Variants in TMEM232 observed in about 807,000 individuals in gnomAD.
The protein encoded by TMEM232 is transmembrane protein 232.
A neutral mutation model predicts 78.8 loss-of-function variants in TMEM232; 80 were observed. The observed-to-expected ratio is 1.01, with a 90% CI of 0.85 to 1.22. The LOEUF (loss-of-function observed/expected upper bound fraction) is 1.22, where lower values mean the gene tolerates loss of function less well. Among genes scored for constraint, TMEM232 ranks in the 50% most tolerant of loss-of-function variants. The pLI is 0.00. For synonymous variants in TMEM232, 297 were observed against 254.3 expected (o/e 1.17, Z -1.60); for missense variants, 881 against 742.2 (o/e 1.19, Z -2.17).
intron 1 of TMEM232, among the ~76,000 whole-genome samples, chr5:110,680,234 A>G (rs912908111): frequency 6.6e-6 from 1 of 151,970 alleles, no homozygotes; most frequent in Non-Finnish European, 1.5e-5. Context: ...CCCCTTCTCT[A>G]CTAAAAATAA....
intron 2 of TMEM232, among the ~76,000 whole-genome samples, chr5:110,662,414 T>C (rs1789927671): frequency 6.6e-6 from 1 of 152,156 alleles, no homozygotes; most frequent in African/African-American, 2.4e-5. Flanking sequence ...AATATGGTTA[T>C]GATAAAGATG....
In TMEM232 at chr5:110,527,011, A is replaced by C. The variant is rs991549396; in HGVS notation, c.1703+1577T>G. 3.3e-5 allele frequency among the ~76,000 whole-genome samples: 5 copies of C among 151,882 alleles called. 1 individual carries two copies. The highest frequency in any genetic ancestry group is 1.2e-4 in the African/African-American group (5 of 41,420). On this transcript the variant is annotated intron_variant, in intron 12 of 13. Transcript: ENST00000455884. ...TAAAATGAAGGGGGAAAAATTAAAA[A>C]CACTAATAATGTATTATATTTGCAT... is the stretch of plus-strand genomic sequence containing the variant.
chr5:110,422,375 C>T (rs1181265011), intron 13 of TMEM232, among the ~76,000 whole-genome samples: 1 of 151,480 alleles, frequency 6.6e-6, no homozygotes, highest in Non-Finnish European at 1.5e-5. Flanking sequence ...AAAAAATTAG[C>T]CGGGCGTGGT....
intron 2 of TMEM232, among the ~76,000 whole-genome samples, chr5:110,662,446 T>C (rs928180079): frequency 6.6e-6 from 1 of 152,194 alleles, no homozygotes; most frequent in African/African-American, 2.4e-5. Flanking sequence ...AATTGATCTA[T>C]AGATTCTTCA....
At chr5:110,558,121 T>G (rs191867346) in intron 11 of TMEM232, among the ~76,000 whole-genome samples, 1 of 152,308 alleles carries the variant, frequency 6.6e-6, no homozygotes, top group East Asian at 1.9e-4. Flanking sequence ...ACCATGCTCA[T>G]GCCTTTGTTC....
intron 11 of TMEM232, among the ~76,000 whole-genome samples, chr5:110,553,090 T>C (rs1267204302): frequency 6.6e-6 from 1 of 152,196 alleles, no homozygotes; most frequent in Non-Finnish European, 1.5e-5. Context: ...GTTCCATTGG[T>C]CTATGTGTCT....
chr5:110,669,683 G>A (rs1791101492), intron 1 of TMEM232, among the ~76,000 whole-genome samples: 2 of 152,066 alleles, frequency 1.3e-5, no homozygotes, highest in South Asian at 4.1e-4. Flanking sequence ...AACCAAAAAA[G>A]ACAATTTGAG....
At chr5:110,529,368 C>T (rs1561635473) in intron 11 of TMEM232, among the ~76,000 whole-genome samples, 1 of 152,108 alleles carries the variant, frequency 6.6e-6, no homozygotes, top group East Asian at 1.9e-4. Context: ...GCCTCAGCCT[C>T]CCAAGTAGCT....
chr5:110,713,920 T>C (rs1796755527), intron 1 of TMEM232, among the ~76,000 whole-genome samples: 1 of 152,138 alleles, frequency 6.6e-6, no homozygotes, highest in Non-Finnish European at 1.5e-5. Flanking sequence ...CAGCCTCTCT[T>C]AGTTGGCTGG....
chr5:110,390,999 G>A (rs1208013935), intron 3 of TMEM232, among the ~76,000 whole-genome samples: 3 of 152,338 alleles, frequency 2.0e-5, no homozygotes, highest in South Asian at 4.1e-4. Context: ...GTTAGAACCA[G>A]TGGGGTTTCT....
intron 2 of TMEM232, among the ~76,000 whole-genome samples, chr5:110,733,437 T>G (rs1798868041): frequency 6.6e-6 from 1 of 152,106 alleles, no homozygotes; most frequent in South Asian, 2.1e-4. Context: ...AGACACGGAA[T>G]CAACCTAAAT....
chr5:110,391,610 G>A (rs1299476313), intron 3 of TMEM232, among the ~76,000 whole-genome samples: 1 of 152,180 alleles, frequency 6.6e-6, no homozygotes, highest in African/African-American at 2.4e-5. Flanking sequence ...AATGAAGTTA[G>A]TTAAAGGATT....
intron 10 of TMEM232, among the ~76,000 whole-genome samples, chr5:110,594,918 T>C (rs1779969967): frequency 6.6e-6 from 1 of 152,196 alleles, no homozygotes; most frequent in Non-Finnish European, 1.5e-5. Flanking sequence ...GTGCTTAAGC[T>C]CTGCTAAAGG....
At chr5:110,713,788 G>C (rs1056527292) in intron 1 of TMEM232, among the ~76,000 whole-genome samples, 3 of 152,150 alleles carry the variant, frequency 2.0e-5, no homozygotes, top group African/African-American at 7.2e-5. Flanking sequence ...CTGTAAAACA[G>C]AAGTGCACTC....
intron 1 of TMEM232, among the ~76,000 whole-genome samples, chr5:110,718,203 C>T (rs1029055437): frequency 6.6e-6 from 1 of 152,014 alleles, no homozygotes. Flanking sequence ...GCTAGATAGA[C>T]TTCATTGGGG....
rs759225029 is a variant in TMEM232 at position 110,403,970 on chromosome 5, TGATGTG to T, written n.309-6122_309-6117del. On this transcript the variant is annotated intron_variant and non_coding_transcript_variant, in intron 2 of 8. Coordinates refer to the TMEM232 transcript ENST00000507188. The stretch of plus-strand genomic sequence containing the variant: ...AGAATTAGTTATAAGATCAAAATGG[TGATGTG>T]GGTGCGGGGTAGGACTTTTCAATGA... Among the ~76,000 whole-genome samples the T allele has an allele frequency of 2.2e-4, 34 of 151,988 alleles. 1 individual carries two copies. The highest frequency in any genetic ancestry group is 5.9e-4 in the Admixed American group (9 of 15,222).
At chr5:110,477,974 T>G (rs1194437398) in intron 12 of TMEM232, among the ~76,000 whole-genome samples, 1 of 151,976 alleles carries the variant, frequency 6.6e-6, no homozygotes, top group African/African-American at 2.4e-5. Flanking sequence ...TATATTTATG[T>G]TCAGTTTAGA....
chr5:110,678,014 T>C (rs1330183458), intron 1 of TMEM232, among the ~76,000 whole-genome samples: 1 of 152,126 alleles, frequency 6.6e-6, no homozygotes, highest in Non-Finnish European at 1.5e-5. Flanking sequence ...ATATACGTAA[T>C]GTGTGTTCCC....
chr5:110,512,212 T>G (rs543387238), intron 12 of TMEM232, among the ~76,000 whole-genome samples: 2 of 152,236 alleles, frequency 1.3e-5, no homozygotes, highest in Non-Finnish European at 2.9e-5. Flanking sequence ...ATAATTTTTA[T>G]TAAGTACTAT....
Sources: allele counts gnomAD v4.1 joint callset (sites outside exome capture counted in the v4.1 genomes callset), GRCh38; gene constraint gnomAD v4.1.1; transcripts MANE v1.5; gene names NCBI Gene and HGNC (gene_info 2026-07-23, HGNC 2026-07-21).